Variants in ZDHHC14 observed in about 807,000 individuals in gnomAD.
ZDHHC14 encodes palmitoyltransferase ZDHHC14.
A neutral mutation model predicts 47.7 loss-of-function variants in ZDHHC14; 16 were observed. That is an observed-to-expected ratio of 0.34 (90% CI 0.23 to 0.51). The LOEUF (loss-of-function observed/expected upper bound fraction) is 0.51, where lower values mean the gene tolerates loss of function less well. Among genes scored for constraint, ZDHHC14 ranks in the 20% least tolerant of loss-of-function variants. The pLI is 0.97. For synonymous variants in ZDHHC14, 293 were observed against 278.9 expected (o/e 1.05, Z -0.50); for missense variants, 515 against 662.5 (o/e 0.78, Z 2.44).
At chr6:157,455,635 C>T (rs1461382130) in intron 1 of ZDHHC14, among the ~76,000 whole-genome samples, 1 of 152,146 alleles carries the variant, frequency 6.6e-6, no homozygotes, top group South Asian at 2.1e-4. Flanking sequence ...CTGGTTAGAG[C>T]CTTGCAGCTT....
At chr6:157,495,560 G>A (rs1780041737) in intron 1 of ZDHHC14, among the ~76,000 whole-genome samples, 1 of 152,128 alleles carries the variant, frequency 6.6e-6, no homozygotes, top group Admixed American at 6.5e-5. Flanking sequence ...AGGGAAGGAG[G>A]TTGTTGGATG....
intron 8 of ZDHHC14, among the ~76,000 whole-genome samples, chr6:157,657,625 A>G (rs528600043): frequency 6.6e-6 from 1 of 152,344 alleles, no homozygotes; most frequent in South Asian, 2.1e-4. Context: ...ACCATGGTCT[A>G]CCGCCTCCAT....
intron 1 of ZDHHC14, among the ~76,000 whole-genome samples, chr6:157,541,112 G>T (rs980212105): frequency 6.6e-6 from 1 of 151,982 alleles, no homozygotes; most frequent in African/African-American, 2.4e-5. Context: ...CATTTGCTCT[G>T]TTTAGACAAT....
At chr6:157,628,037 T>C (rs1258416835) in intron 3 of ZDHHC14, among the ~76,000 whole-genome samples, 3 of 152,226 alleles carry the variant, frequency 2.0e-5, no homozygotes, top group African/African-American at 4.8e-5. Context: ...GAAGTTTCTT[T>C]TACCAAAGAG....
At chr6:157,511,931 G>C (rs1487230444) in intron 1 of ZDHHC14, among the ~76,000 whole-genome samples, 1 of 152,162 alleles carries the variant, frequency 6.6e-6, no homozygotes, top group African/African-American at 2.4e-5. Flanking sequence ...ATGTCTGGGA[G>C]AGAAGGTGTT....
rs369639851 is a variant in ZDHHC14, at chr6:157,543,378, T to A, written c.406+633T>A. 1.4e-4 allele frequency among the ~76,000 whole-genome samples: 22 copies of A among 152,314 alleles called. 1 individual carries two copies. The East Asian group carries it at 4.0e-3, about 28-fold the overall frequency. On this transcript the variant is annotated intron_variant, in intron 2 of 8. Transcript: ENST00000359775. ...TTTTTTTTAATTAAAAGGAGTGCTTTTTCTTGCTCTTAAAAGTTTGTGATT... is the reference window on the plus strand; with the variant it reads ...TTTTTTTTAATTAAAAGGAGTGCTTATTCTTGCTCTTAAAAGTTTGTGATT...
chr6:157,462,941 A>G (rs181478615), intron 1 of ZDHHC14, among the ~76,000 whole-genome samples: 2 of 152,356 alleles, frequency 1.3e-5, no homozygotes, highest in Admixed American at 1.3e-4. Flanking sequence ...TGTGACCCTC[A>G]CAGAATTACC....
chr6:157,669,813 G>A (rs1028593721), intron 8 of ZDHHC14, among the ~76,000 whole-genome samples: 14 of 152,242 alleles, frequency 9.2e-5, no homozygotes, highest in African/African-American at 3.4e-4. Flanking sequence ...CGGCAGCTCC[G>A]CCCTGGGCTC....
At chr6:157,551,692 C>T (rs889199601) in intron 2 of ZDHHC14, among the ~76,000 whole-genome samples, 18 of 152,222 alleles carry the variant, frequency 1.2e-4, no homozygotes, top group African/African-American at 4.1e-4. Context: ...AGCATAGCCT[C>T]TGCTTCCTCT....
chr6:157,612,822 A>G (rs1784803136), intron 3 of ZDHHC14, among the ~76,000 whole-genome samples: 1 of 140,058 alleles, frequency 7.1e-6, no homozygotes, highest in Admixed American at 7.3e-5. Flanking sequence ...TCATGTCTCC[A>G]TCGTAGTCTT....
In ZDHHC14 at chr6:157,518,332, AC is replaced by A. The variant is rs1043846584; in HGVS notation, c.246-24252del. ...GTTGGGCAGTAGCTCACAGGCATGG[AC>A]TGAGGTCTCAGAAGGACTATGTGTG... On this transcript the variant is annotated intron_variant, in intron 1 of 8. Coordinates refer to ENST00000359775, the MANE Select transcript of ZDHHC14 (RefSeq NM_024630.3). Among the ~76,000 whole-genome samples, 3 of 137,564 alleles carry A rather than the reference AC, an allele frequency of 2.2e-5. No homozygotes were observed. In the Admixed American group the frequency reaches 2.4e-4, roughly 11 times the overall value. 90.2% of individuals were successfully genotyped at this position (137,564 alleles called of 152,430 possible).
intron 2 of ZDHHC14, among the ~76,000 whole-genome samples, chr6:157,566,104 G>A (rs1045988327): frequency 1.2e-4 from 19 of 152,154 alleles, no homozygotes; most frequent in African/African-American, 3.1e-4. Context: ...ATGTTATGCC[G>A]ATGTTACCAA....
intron 1 of ZDHHC14, among the ~76,000 whole-genome samples, chr6:157,497,099 G>C (rs1232490519): frequency 6.6e-6 from 1 of 152,150 alleles, no homozygotes; most frequent in Non-Finnish European, 1.5e-5. Flanking sequence ...GGATAAGGGA[G>C]GAAACAGAAG....
At chr6:157,667,617 TAA>T (rs11429657) in intron 8 of ZDHHC14, among the ~76,000 whole-genome samples, 4 of 144,156 alleles carry the variant, frequency 2.8e-5, no homozygotes, top group Admixed American at 6.9e-5. Context: ...AGCAAAGGTT[TAA>T]AAAAAAAAAA....
chr6:157,434,046 A>G (rs1208304791), intron 1 of ZDHHC14, among the ~76,000 whole-genome samples: 1 of 152,172 alleles, frequency 6.6e-6, no homozygotes, highest in African/African-American at 2.4e-5. Flanking sequence ...ATGGCTCAGT[A>G]CATGGTTTTT....
intron 1 of ZDHHC14, among the ~76,000 whole-genome samples, chr6:157,511,385 CT>C (rs35757516): frequency 5.2e-4 from 76 of 145,478 alleles, no homozygotes; most frequent in Admixed American, 6.9e-4. Context: ...CATGAGGAAA[CT>C]TTTTTTTTTT....
rs1191662861 is a variant in ZDHHC14 at position 157,401,554 on chromosome 6, T to C, written c.245+19288T>C. 2.0e-5 allele frequency among the ~76,000 whole-genome samples: 3 copies of C among 150,808 alleles called. No homozygotes were observed. The East Asian group carries it at 6.2e-4, about 31-fold the overall frequency. ...CAGCTGCAGTAGTGAGATGCGCTCC[T>C]GCTGAGGTCTCACTGCAGTAGTGAG... is the stretch of plus-strand genomic sequence containing the variant. On this transcript the variant is annotated intron_variant, in intron 1 of 8. Transcript: ENST00000359775.
chr6:157,551,487 C>T (rs9456474), intron 2 of ZDHHC14, among the ~76,000 whole-genome samples: 61,846 of 151,972 alleles, frequency 0.41, 12,659 homozygotes, highest in Admixed American at 0.45. Flanking sequence ...ATATCTAAAT[C>T]TTTGCTACTC....
rs1283822739 is a variant in ZDHHC14, at chr6:157,656,706, CAAAAAAAAAAAACAA to C, written c.1068+3095_1068+3109del. 1.7e-3 allele frequency among the ~76,000 whole-genome samples: 226 copies of C among 129,300 alleles called. 1 individual carries two copies. The highest frequency in any genetic ancestry group is 5.3e-3 in the African/African-American group (192 of 35,988). 84.8% of individuals were successfully genotyped at this position (129,300 alleles called of 152,430 possible). ...ACTGTGTCAGGAAGCTTGAAGATAC[CAAAAAAAAAAAACAA>C]AAAAAAAAAAAACAAGACTCCTTGC... On this transcript the variant is annotated intron_variant, in intron 8 of 8. Coordinates refer to ENST00000359775, the MANE Select transcript of ZDHHC14 (RefSeq NM_024630.3).
Sources: allele counts gnomAD v4.1 joint callset (sites outside exome capture counted in the v4.1 genomes callset), GRCh38; gene constraint gnomAD v4.1.1; transcripts MANE v1.5; gene names NCBI Gene and HGNC (gene_info 2026-07-23, HGNC 2026-07-21).